LRP2: variants seen among roughly 807,000 people sequenced by gnomAD.
LRP2 encodes the protein LDL receptor related protein 2.
LRP2 carries 172 observed loss-of-function variants against 531.0 expected under a neutral mutation model. The observed-to-expected ratio is 0.32, with a 90% CI of 0.29 to 0.37. The LOEUF (loss-of-function observed/expected upper bound fraction) is 0.37, where lower values mean the gene tolerates loss of function less well. LRP2 is among the 10% of genes least tolerant of loss of function. LRP2 has a pLI of 1.00. For synonymous variants in LRP2, 1,992 were observed against 2,027.6 expected (o/e 0.98, Z 0.47); for missense variants, 5,167 against 5,868.3 (o/e 0.88, Z 3.90).
At chr2:169,309,524 A>T (rs1295023255) in intron 3 of LRP2, among the ~76,000 whole-genome samples, 1 of 152,228 alleles carries the variant, frequency 6.6e-6, no homozygotes, top group Non-Finnish European at 1.5e-5. Context: ...GTCAAAGATC[A>T]GATGGTTGTA....
intron 48 of LRP2, among the ~76,000 whole-genome samples, chr2:169,191,262 T>G (rs1192811084): frequency 6.6e-6 from 1 of 152,232 alleles, no homozygotes; most frequent in East Asian, 1.9e-4. Context: ...TACTTGACTC[T>G]GAGCCTAAGA....
At chr2:169,187,063 A>T (rs1341307294) in intron 49 of LRP2, among the ~76,000 whole-genome samples, 3 of 151,880 alleles carry the variant, frequency 2.0e-5, no homozygotes, top group African/African-American at 4.8e-5. Context: ...TGATTTTTAA[A>T]TTTTTTTCTT....
chr2:169,155,539 G>T (rs1378532006), intron 65 of LRP2, among the ~76,000 whole-genome samples: 1 of 152,134 alleles, frequency 6.6e-6, no homozygotes, highest in Non-Finnish European at 1.5e-5. Flanking sequence ...AAAATAAAGT[G>T]CTATTTTCTT....
At chr2:169,327,889 G>C (rs1192174400) in intron 1 of LRP2, among the ~76,000 whole-genome samples, 1 of 75,906 alleles carries the variant, frequency 1.3e-5, no homozygotes, top group Non-Finnish European at 2.7e-5. Flanking sequence ...GAGGTGGGGG[G>C]GTCAGCCCCC....
Position 169,162,672 on chromosome 2 carries a change from G to A in LRP2, c.11759-72C>T, listed in dbSNP as rs1276976005. The A allele has an allele frequency of 8.1e-6, 12 of 1,484,676 alleles. No homozygotes were observed. The Admixed American group carries it at 1.0e-4, about 13-fold the overall frequency. The allele number at this position is 1,484,676 out of a possible 1,614,324, so 92.0% of individuals were successfully genotyped here. On this transcript the variant is annotated intron_variant, in intron 62 of 78. Coordinates refer to ENST00000649046, the MANE Select transcript of LRP2 (RefSeq NM_004525.3). ...GCAAGATACTTCCTTCTTTGACAGA[G>A]ACAGTTTGTGCTTACCAAATAAACA... is the stretch of plus-strand genomic sequence containing the variant.
intron 1 of LRP2, among the ~76,000 whole-genome samples, chr2:169,323,175 TCTC>T (rs1293706606): frequency 1.3e-5 from 2 of 152,184 alleles, no homozygotes; most frequent in African/African-American, 2.4e-5. Flanking sequence ...TCACACTTGA[TCTC>T]CTCACTCCAT....
chr2:169,284,006 A>T (rs1683774746), intron 9 of LRP2, among the ~76,000 whole-genome samples: 1 of 152,042 alleles, frequency 6.6e-6, no homozygotes, highest in African/African-American at 2.4e-5. Context: ...CCCTGGGAGG[A>T]TGACCTATAC....
Position 169,294,591 on chromosome 2 carries a change from A to C in LRP2, c.538+9T>G. On this transcript the variant is annotated intron_variant, in intron 5 of 78. Coordinates refer to ENST00000649046, the MANE Select transcript of LRP2 (RefSeq NM_004525.3). Reference sequence around the variant, plus strand: ...GCACACAACTGCACATCTTGTGCACAATACTTACTGCAGTTGATTTCATCT... The same window carrying C: ...GCACACAACTGCACATCTTGTGCACCATACTTACTGCAGTTGATTTCATCT... 1 of 1,589,066 alleles carries C rather than the reference A, an allele frequency of 6.3e-7. No individual in the cohort carries two copies. The highest frequency in any genetic ancestry group is 8.6e-7 in the Non-Finnish European group (1 of 1,157,252).
chr2:169,142,708 G>A lies in LRP2; in HGVS notation c.13074C>T (p.Ser4358=). The A allele has an allele frequency of 1.2e-6, 2 of 1,614,120 alleles. No homozygotes were observed. Among genetic ancestry groups the A allele is most frequent in the Non-Finnish European group, 1.7e-6 (2 of 1,179,966 alleles). ...GYSCACPQGS[S]FIEGSTTECD... is the part of the protein sequence containing the mutation. The stretch of plus-strand genomic sequence containing the variant: ...ACTCAGTGGTGCTCCCCTCTATAAA[G>A]CTGGAGCCTTGGGGACAGGCACAGC... The change falls in exon 71 of 79, where the codon AGC becomes AGT. Residue 4358 remains serine (S), a synonymous_variant. Transcript: ENST00000649046.
chr2:169,195,789 T>C lies in LRP2; in HGVS notation c.8698+1122A>G, dbSNP rs181125108. ...TTTGCTTTCTATAAAACTTTCAGTG[T>C]TGGGGAAAAAGAACTTAGTGAAGCA... On this transcript the variant is annotated intron_variant, in intron 46 of 78. Coordinates refer to ENST00000649046, the MANE Select transcript of LRP2 (RefSeq NM_004525.3). Among the ~76,000 whole-genome samples, 468 of 152,258 alleles carry C rather than the reference T, an allele frequency of 3.1e-3. 2 individuals are homozygous for C. The highest frequency in any genetic ancestry group is 4.8e-3 in the Admixed American group (73 of 15,302).
chr2:169,263,498 C>T (rs1005308179), intron 16 of LRP2, among the ~76,000 whole-genome samples: 5 of 151,052 alleles, frequency 3.3e-5, no homozygotes, highest in East Asian at 3.9e-4. Context: ...TGAAAAAATG[C>T]TCACCATCAC....
At chr2:169,346,165 C>T (rs1339646818) in intron 1 of LRP2, among the ~76,000 whole-genome samples, 2 of 152,198 alleles carry the variant, frequency 1.3e-5, no homozygotes, top group East Asian at 3.8e-4. Flanking sequence ...TACAGGGAAA[C>T]GAAAGTGTTC....
At chr2:169,338,379 A>AGAAAGAAG (rs1351599080) in intron 1 of LRP2, among the ~76,000 whole-genome samples, 1 of 125,774 alleles carries the variant, frequency 8.0e-6, no homozygotes, top group African/African-American at 3.2e-5. Flanking sequence ...AAAGAAAGAA[A>AGAAAGAAG]GAAAGAAAGA....
intron 31 of LRP2, among the ~76,000 whole-genome samples, chr2:169,228,980 G>T (rs149857156): frequency 2.0e-5 from 3 of 152,306 alleles, no homozygotes; most frequent in Non-Finnish European, 4.4e-5. Flanking sequence ...ATGGATATTG[G>T]AGAGCTTGTC....
At chr2:169,337,385 T>C (rs536991364) in intron 1 of LRP2, among the ~76,000 whole-genome samples, 1 of 152,312 alleles carries the variant, frequency 6.6e-6, no homozygotes, top group East Asian at 1.9e-4. Context: ...GTACCATGTA[T>C]AAGGCCATCT....
intron 62 of LRP2, among the ~76,000 whole-genome samples, chr2:169,164,793 A>C (rs1686723172): frequency 6.6e-6 from 1 of 152,178 alleles, no homozygotes; most frequent in Non-Finnish European, 1.5e-5. Flanking sequence ...CCTTGAAAAG[A>C]ATAGAAGTTT....
chr2:169,275,533 C>G (rs530717038), intron 13 of LRP2, among the ~76,000 whole-genome samples: 1 of 152,190 alleles, frequency 6.6e-6, no homozygotes, highest in East Asian at 1.9e-4. Context: ...GTTCTTCATT[C>G]CTTTTAGGTT....
At chr2:169,277,110 C>T (rs972560344) in intron 13 of LRP2, among the ~76,000 whole-genome samples, 2 of 148,400 alleles carry the variant, frequency 1.3e-5, no homozygotes, top group African/African-American at 5.0e-5. Flanking sequence ...AGGAGAATCA[C>T]TTGAACTTGG....
intron 53 of LRP2, among the ~76,000 whole-genome samples, chr2:169,176,798 T>C (rs1687211997): frequency 6.6e-6 from 1 of 152,226 alleles, no homozygotes; most frequent in Non-Finnish European, 1.5e-5. Context: ...CTCATTTATA[T>C]GCTACCAGAA....
Sources: gnomAD v4.1 joint callset for allele counts (sites outside exome capture counted in the v4.1 genomes callset) on GRCh38, gnomAD v4.1.1 for gene constraint, MANE v1.5 for transcripts, NCBI Gene and HGNC (gene_info 2026-07-23, HGNC 2026-07-21) for gene names.